INTS11: variants seen among roughly 807,000 people sequenced by gnomAD.
The protein encoded by INTS11 is CPSF3-like protein.
Under a neutral mutation model 78.6 loss-of-function variants are expected in INTS11, and 77 were observed. The ratio of observed to expected loss-of-function variants is 0.98; its 90% CI spans 0.81 to 1.18. The LOEUF (loss-of-function observed/expected upper bound fraction) is 1.18. Ranked by LOEUF, INTS11 falls within the 50% of genes most tolerant of loss-of-function variation. The pLI is 0.00. For synonymous variants in INTS11, 441 were observed against 326.9 expected, an observed-to-expected ratio of 1.35 and a Z score of -3.77; for missense variants, 875 against 825.9, an observed-to-expected ratio of 1.06 and a Z score of -0.73.
chr1:1,321,052 T>C lies in INTS11; in HGVS notation c.70A>G (p.Ile24Val), dbSNP rs2100631154. ...DVGRSCILVS[I>V]AGKNVMLDCG... ...TCCAGCATGACATTCTTGCCCGCAA[T>C]GGAGACCAGGATGCAGCTTCGGCCC... is the stretch of plus-strand genomic sequence containing the variant. The change falls in exon 2 of 17, where the codon ATT (isoleucine) becomes GTT (valine). Residue 24 changes from isoleucine (I) to valine (V), a missense_variant. Transcript: ENST00000435064. 1.2e-6 allele frequency: 2 copies of C among 1,613,008 alleles called. No individual in the cohort carries two copies. Among genetic ancestry groups the C allele is most frequent in the Non-Finnish European group, 1.7e-6 (2 of 1,179,862 alleles).
At chr1:1,312,752 G>A (rs367699682) in intron 12 of INTS11, 35 bp downstream of exon 12, 37 of 1,596,946 alleles carry the variant, frequency 2.3e-5, no homozygotes, top group African/African-American at 1.7e-4. Context: ...GTGCTGACCC[G>A]AGGTGGGCCC....
Position 1,312,213 on chromosome 1 carries a change from G to GGGGGCCGGCCCCCCCCCCCCCCCC in INTS11, c.1607+12_1607+13insGGGGGGGGGGGGGGGGCCGGCCCC. On this transcript the variant is annotated intron_variant, in intron 15 of 16. Transcript: ENST00000435064. ...CCCAAGGGAGTGGGGGGGGGGCGGGGCCGGGCGCCCACCTCTTGAGGTGGC... is the reference window on the plus strand; with the variant it reads ...CCCAAGGGAGTGGGGGGGGGGCGGGGGGGGCCGGCCCCCCCCCCCCCCCCCCGGGCGCCCACCTCTTGAGGTGGC... 1 of 934,626 alleles carries GGGGGCCGGCCCCCCCCCCCCCCCC rather than the reference G, an allele frequency of 1.1e-6. No individual in the cohort carries two copies. Among genetic ancestry groups the GGGGGCCGGCCCCCCCCCCCCCCCC allele is most frequent in the Non-Finnish European group, 1.6e-6 (1 of 636,676 alleles). The allele number at this position is 934,626 out of a possible 1,614,324, so 57.9% of individuals were successfully genotyped here.
chr1:1,319,531 G>A lies in INTS11; in HGVS notation c.201-7C>T, dbSNP rs746424732. 34 of 1,562,108 alleles carry A rather than the reference G, an allele frequency of 2.2e-5. No homozygotes were observed. The African/African-American group carries it at 4.3e-4, about 20-fold the overall frequency. On this transcript the variant is annotated splice_polypyrimidine_tract_variant and splice_region_variant and intron_variant, in intron 3 of 16. Transcript: ENST00000435064. ...GTGGTCCAGGTGGAAGTGGCTAGGGGGACGCAGCACAGGTCAGCCTGGGCC... is the reference window on the plus strand; with the variant it reads ...GTGGTCCAGGTGGAAGTGGCTAGGGAGACGCAGCACAGGTCAGCCTGGGCC...
At chr1:1,322,207 C>T (rs1042097939) in intron 1 of INTS11, among the ~76,000 whole-genome samples, 1 of 151,940 alleles carries the variant, frequency 6.6e-6, no homozygotes, top group African/African-American at 2.4e-5. Flanking sequence ...CACACGGCCC[C>T]GAGGCATGGG....
chr1:1,322,750 GGC>G, intron 1 of INTS11: 3 of 341,232 alleles, frequency 8.8e-6, no homozygotes, highest in Non-Finnish European at 1.2e-5. Flanking sequence ...GGGGACCGGC[GGC>G]GGGGGGGGTA....
chr1:1,312,464 G>C lies in INTS11; in HGVS notation c.1440C>G (p.His480Gln). The C allele has an allele frequency of 6.3e-7, 1 of 1,575,088 alleles. No homozygotes were observed. Among genetic ancestry groups the C allele is most frequent in the Non-Finnish European group, 8.6e-7 (1 of 1,160,906 alleles). ...LPEAKKPRLLHGTLIMKDSNF... is the reference protein window; with the variant it reads ...LPEAKKPRLLQGTLIMKDSNF... ...CGCTGTCCTTCATGATCAGGGTGCC[G>C]TGCAGGAGCCGAGGCTTCTTGGCCT... Residue 480 changes from histidine to glutamine, a missense_variant, in exon 14 of 17, where the codon CAC becomes CAG. By Grantham distance (24) the His-to-Gln change is conservative. Transcript: ENST00000435064.
rs1414148125 is a variant in INTS11, at chr1:1,314,775, C to T, written c.702+49G>A. ...AGGGCAGCCAAGCCTGCCAGAAAGA[C>T]CAGCCCAGCATGGCCGAGGGCCCAT... On this transcript the variant is annotated intron_variant, in intron 7 of 16. Coordinates refer to ENST00000435064, the MANE Select transcript of INTS11 (RefSeq NM_017871.6). This position sits in a 1 kb window ranked among gnomAD's most constrained non-coding sequence, Gnocchi z 4.2. The T allele has an allele frequency of 1.9e-6, 3 of 1,575,006 alleles. No individual in the cohort carries two copies. The Admixed American group carries it at 5.2e-5, about 27-fold the overall frequency.
At chr1:1,315,016 G>A (rs1642492702) in intron 6 of INTS11, 54 bp from the exon 7 acceptor site, 4 of 1,590,898 alleles carry the variant, frequency 2.5e-6, no homozygotes, top group Non-Finnish European at 3.4e-6. Context: ...CACGGTTGCA[G>A]GGCTGGGTGT....
chr1:1,315,150 C>T (rs745928286), intron 6 of INTS11, 188 bp from the exon 7 acceptor site: 9 of 771,366 alleles, frequency 1.2e-5, no homozygotes, highest in African/African-American at 1.8e-5. Context: ...GAGGCACCCA[C>T]CCAGACACTT....
chr1:1,315,574 C>G lies in INTS11; in HGVS notation c.474G>C (p.Val158=). The part of the protein sequence containing the change: ...LEIKAYYAGH[V]LGAAMFQIKV... ...TAATCTGGAACATGGCTGCCCCCAG[C>G]ACGTGGCCTGCATAGTAGGCCTTGA... Residue 158 remains valine (V), a synonymous_variant, in exon 5 of 17, where the codon GTG becomes GTC. Coordinates refer to ENST00000435064, the MANE Select transcript of INTS11 (RefSeq NM_017871.6). 6.2e-7 allele frequency: 1 copy of G among 1,612,348 alleles called. No homozygotes were observed. The highest frequency in any genetic ancestry group is 1.7e-4 in the Middle Eastern group (1 of 6,060).
At position 1,313,866 on chromosome 1, in the gene INTS11, C is replaced by T. The variant is rs952468027; in HGVS notation, c.823G>A (p.Ala275Thr). The stretch of plus-strand genomic sequence containing the variant: ...ATGAACAGCTTGTAGTAGTGGTTGG[C>T]CTTCTCGGTCAGCCCCGTGGAGAAG... ...IYFSTGLTEK[A>T]NHYYKLFIPW... Residue 275 changes from alanine to threonine, a missense_variant, in exon 9 of 17, where the codon GCC (alanine) becomes ACC (threonine). Physicochemically the swap from Ala to Thr is moderately conservative, Grantham distance 58. Coordinates refer to ENST00000435064, the MANE Select transcript of INTS11 (RefSeq NM_017871.6). 8 of 1,613,134 alleles carry T rather than the reference C, an allele frequency of 5.0e-6. No individual in the cohort carries two copies. The African/African-American group carries it at 5.3e-5, about 11-fold the overall frequency.
intron 1 of INTS11, chr1:1,322,990 G>A (rs991074737): frequency 1.7e-5 from 24 of 1,387,342 alleles, no homozygotes; most frequent in East Asian, 1.3e-4. Flanking sequence ...AGAGTGGGCA[G>A]AACAGGCAGC....
Position 1,314,745 on chromosome 1 carries a change from T to A in INTS11, c.702+79A>T. 2 of 1,529,028 alleles carry A rather than the reference T, an allele frequency of 1.3e-6. No homozygotes were observed. Among genetic ancestry groups the A allele is most frequent in the Non-Finnish European group, 1.8e-6 (2 of 1,120,994 alleles). The allele number at this position is 1,529,028 out of a possible 1,614,324, so 94.7% of individuals were successfully genotyped here. ...CCCCCCACCCTGAGACCCTGACCCA[T>A]GCCAAGGGCAGCCAAGCCTGCCAGA... is the stretch of plus-strand genomic sequence containing the variant. On this transcript the variant is annotated intron_variant, in intron 7 of 16. Coordinates refer to ENST00000435064, the MANE Select transcript of INTS11 (RefSeq NM_017871.6). This position sits in a 1 kb window ranked among gnomAD's most constrained non-coding sequence, Gnocchi z 4.2.
intron 1 of INTS11, chr1:1,322,085 GCATCT>G: frequency 1.4e-6 from 1 of 732,560 alleles, no homozygotes; most frequent in Non-Finnish European, 2.0e-6. Flanking sequence ...TCCTCCCTCT[GCATCT>G]CCTACCCCAA....
rs1297863837 is a variant in INTS11 at position 1,322,118 on chromosome 1, G to C, written c.29-1025C>G. On this transcript the variant is annotated intron_variant, in intron 1 of 16. Coordinates refer to ENST00000435064, the MANE Select transcript of INTS11 (RefSeq NM_017871.6). The stretch of plus-strand genomic sequence containing the variant: ...TACCCCAAGCCACGCCAGGCTCACA[G>C]AGGCCCTCTGGCACCTGTGGGAAGG... The C allele has an allele frequency of 6.0e-6, 3 of 500,960 alleles. No individual in the cohort carries two copies. The East Asian group carries it at 1.1e-4, about 18-fold the overall frequency. The allele number at this position is 500,960 out of a possible 1,614,324, so 31.0% of individuals were successfully genotyped here. A position where few individuals can be genotyped will look rare whatever the true frequency, so the allele number is the denominator to read the frequency against.
At chr1:1,315,259 C>T in intron 6 of INTS11, 145 bp downstream of exon 6, 8 of 1,014,244 alleles carry the variant, frequency 7.9e-6, no homozygotes, top group South Asian at 6.9e-5. Context: ...CGCATTTGGG[C>T]CCAGAACGAA....
rs1244278464 is a variant in INTS11 at position 1,314,358 on chromosome 1, A to G, written c.710T>C (p.Ile237Thr). The change falls in exon 8 of 17, where the codon ATA becomes ACA. Residue 237 changes from isoleucine (I) to threonine (T), a missense_variant. By Grantham distance (89) the Ile-to-Thr change is moderately conservative. Coordinates refer to ENST00000435064, the MANE Select transcript of INTS11 (RefSeq NM_017871.6). This position sits in a 1 kb window ranked among gnomAD's most constrained non-coding sequence, Gnocchi z 4.2. ...ETVERGGKVLIPVFALGRAQE... is the reference protein window; with the variant it reads ...ETVERGGKVLTPVFALGRAQE... ...GGCGCGGCCCAGCGCGAACACAGGT[A>G]TCAGCACCTGAGGGGGACACAAGGC... The G allele has an allele frequency of 1.2e-6, 2 of 1,607,048 alleles. No individual in the cohort carries two copies. Among genetic ancestry groups the G allele is most frequent in the East Asian group, 2.2e-5 (1 of 44,566 alleles).
chr1:1,319,270 G>A (rs371683846), intron 4 of INTS11, 26 bp downstream of exon 4: 2 of 1,570,842 alleles, frequency 1.3e-6, no homozygotes, highest in African/African-American at 2.7e-5. Context: ...CAGTGACTGT[G>A]CCAGCTGTGG....
At chr1:1,313,647 C>T in intron 9 of INTS11, 55 bp from the exon 10 acceptor site, 1 of 1,610,802 alleles carries the variant, frequency 6.2e-7, no homozygotes. Flanking sequence ...CCCCCACCCC[C>T]ACTGCAGGCC....
Sources: gnomAD v4.1 joint callset for allele counts (sites outside exome capture counted in the v4.1 genomes callset) on GRCh38, gnomAD v4.1.1 for gene constraint, Gnocchi (gnomAD v3.1) non-coding constraint, MANE v1.5 for transcripts, NCBI Gene and HGNC (gene_info 2026-07-23, HGNC 2026-07-21) for gene names.